The following ZC3H12B variants were observed in gnomAD, a reference collection of about 807,000 sequenced individuals.
ZC3H12B encodes the protein probable ribonuclease ZC3H12B.
In ZC3H12B, 7 loss-of-function variants were observed where a neutral mutation model predicts 43.9. The ratio of observed to expected loss-of-function variants is 0.16; its 90% CI spans 0.09 to 0.30. ZC3H12B has a LOEUF of 0.30. Ranked by LOEUF, ZC3H12B falls within the 10% of genes least tolerant of loss-of-function variation. ZC3H12B has a pLI of 1.00. For missense variants in ZC3H12B, 475 were observed against 670.2 expected, an observed-to-expected ratio of 0.71 and a Z score of 3.22; for synonymous variants, 222 against 241.7, an observed-to-expected ratio of 0.92 and a Z score of 0.76.
At chrX:65,387,380 C>A (rs1394289820) in intron 2 of ZC3H12B, among the ~76,000 whole-genome samples, 1 of 111,590 alleles carries the variant, frequency 9.0e-6, no homozygotes, top group Admixed American at 9.5e-5. Flanking sequence ...GGAACTGATC[C>A]CTTTACCATT....
At chrX:65,357,132 A>T in the ZC3H12B span, 48 of 487,250 alleles carry the variant, frequency 9.9e-5, no homozygotes, top group African/African-American at 9.9e-4. Context: ...TTGACTTCAC[A>T]TGGGGGCTCT....
the ZC3H12B span, among the ~76,000 whole-genome samples, chrX:65,179,216 A>G: frequency 9.2e-6 from 1 of 108,874 alleles, no homozygotes; most frequent in African/African-American, 3.3e-5. Flanking sequence ...ATGAGAACAC[A>G]TGGACACAGG....
chrX:65,126,649 A>G, the ZC3H12B span, among the ~76,000 whole-genome samples: 1 of 106,837 alleles, frequency 9.4e-6, no homozygotes, highest in Non-Finnish European at 1.9e-5. Context: ...AACGTTTAAC[A>G]TAGTCCAAAG....
At chrX:65,390,381 G>C (rs1178185596) in intron 2 of ZC3H12B, among the ~76,000 whole-genome samples, 2 of 110,133 alleles carry the variant, frequency 1.8e-5, no homozygotes, top group East Asian at 2.8e-4. Flanking sequence ...TTGTGCACAG[G>C]TACCCTAGAA....
At chrX:65,468,650 A>ATTTTTTTTTTTT (rs60716703) in intron 3 of ZC3H12B, among the ~76,000 whole-genome samples, 8 of 74,896 alleles carry the variant, frequency 1.1e-4, no homozygotes, top group African/African-American at 3.6e-4. Flanking sequence ...TGCCCGGCTA[A>ATTTTTTTTTTTT]TTTTTTTTTT....
chrX:65,184,698 C>A, the ZC3H12B span, among the ~76,000 whole-genome samples: 2 of 111,256 alleles, frequency 1.8e-5, no homozygotes, highest in Non-Finnish European at 1.9e-5. Flanking sequence ...CTACAAATCA[C>A]ATCTAAAAAG....
At chrX:65,221,211 C>T in the ZC3H12B span, among the ~76,000 whole-genome samples, 2 of 111,478 alleles carry the variant, frequency 1.8e-5, no homozygotes, top group Non-Finnish European at 3.8e-5. Flanking sequence ...GTGGTGCTAA[C>T]AGGAAAGTTC....
chrX:65,224,443 C>G, the ZC3H12B span, among the ~76,000 whole-genome samples: 1 of 112,462 alleles, frequency 8.9e-6, no homozygotes, highest in Non-Finnish European at 1.9e-5. Flanking sequence ...CCAGCATGAG[C>G]AACGCAGAAG....
chrX:65,348,263 TA>T, the ZC3H12B span, among the ~76,000 whole-genome samples: 1 of 111,178 alleles, frequency 9.0e-6, no homozygotes, highest in African/African-American at 3.3e-5. Context: ...TTTCTAGGCA[TA>T]AAAAAATAAG....
the ZC3H12B span, among the ~76,000 whole-genome samples, chrX:65,249,755 G>C: frequency 1.0e-5 from 1 of 98,836 alleles, no homozygotes; most frequent in Non-Finnish European, 2.1e-5. Flanking sequence ...AGTTTTCCTT[G>C]TAGAGGTCTT....
At chrX:65,232,730 A>G in the ZC3H12B span, among the ~76,000 whole-genome samples, 1 of 111,539 alleles carries the variant, frequency 9.0e-6, no homozygotes, top group Non-Finnish European at 1.9e-5. Context: ...AGTGGTAGTA[A>G]GTCCTTACAT....
chrX:65,118,417 C>G, the ZC3H12B span, among the ~76,000 whole-genome samples: 1 of 111,551 alleles, frequency 9.0e-6, no homozygotes, highest in East Asian at 2.8e-4. Context: ...GATTTTGTAT[C>G]CTGAGACTTT....
chrX:65,231,240 A>G, the ZC3H12B span, among the ~76,000 whole-genome samples: 2 of 111,118 alleles, frequency 1.8e-5, no homozygotes, highest in Admixed American at 1.9e-4. Flanking sequence ...CACAGAGATC[A>G]CATGCTTCAA....
chrX:65,274,094 A>C, the ZC3H12B span, among the ~76,000 whole-genome samples: 1 of 112,068 alleles, frequency 8.9e-6, no homozygotes, highest in Non-Finnish European at 1.9e-5. Flanking sequence ...CCCCACTCAG[A>C]CTGGATCTTC....
At chrX:65,383,904 C>A (rs1191508560) in intron 2 of ZC3H12B, among the ~76,000 whole-genome samples, 11 of 101,646 alleles carry the variant, frequency 1.1e-4, no homozygotes, top group Non-Finnish European at 2.0e-4. Flanking sequence ...AATAGGAACA[C>A]TTTTACACTG....
At chrX:65,358,671 C>A in the ZC3H12B span, among the ~76,000 whole-genome samples, 28 of 110,946 alleles carry the variant, frequency 2.5e-4, no homozygotes, top group African/African-American at 8.5e-4. Flanking sequence ...ATCTCTGGGG[C>A]ACATTTAAAG....
chrX:65,338,774 CT>C, the ZC3H12B span, among the ~76,000 whole-genome samples: 1 of 112,078 alleles, frequency 8.9e-6, no homozygotes, highest in African/African-American at 3.2e-5. Context: ...ATAAAATCAT[CT>C]CAATATATGC....
chrX:65,425,861 G>T (rs1047294403), intron 3 of ZC3H12B, among the ~76,000 whole-genome samples: 12 of 111,488 alleles, frequency 1.1e-4, no homozygotes, highest in African/African-American at 2.9e-4. Context: ...GATTTGCTTT[G>T]CCAGTGCTTT....
At chrX:65,159,683 A>G in the ZC3H12B span, among the ~76,000 whole-genome samples, 1 of 111,984 alleles carries the variant, frequency 8.9e-6, no homozygotes, top group Admixed American at 9.5e-5. Flanking sequence ...GGAGTTTTCT[A>G]GATATACAAT....
Sources: gnomAD v4.1 joint callset for allele counts (sites outside exome capture counted in the v4.1 genomes callset) on GRCh38, gnomAD v4.1.1 for gene constraint, MANE v1.5 for transcripts, NCBI Gene and HGNC (gene_info 2026-07-23, HGNC 2026-07-21) for gene names.